Variants in ROBO2 observed in about 807,000 individuals in gnomAD.
The protein encoded by ROBO2 is roundabout homolog 2.
ROBO2 carries 53 observed loss-of-function variants against 160.8 expected under a neutral mutation model. The ratio of observed to expected loss-of-function variants is 0.33; its 90% CI spans 0.26 to 0.41. The LOEUF is 0.41. ROBO2 is among the 10% of genes least tolerant of loss of function. ROBO2 has a pLI of 1.00. For synonymous variants in ROBO2, 664 were observed against 611.7 expected (o/e 1.09, Z -1.26); for missense variants, 1,577 against 1,722.4 (o/e 0.92, Z 1.49).
chr3:76,681,365 C>T (rs2092557264), intron 2 of ROBO2, among the ~76,000 whole-genome samples: 1 of 152,114 alleles, frequency 6.6e-6, no homozygotes, highest in South Asian at 2.1e-4. Context: ...GCAGCTATTG[C>T]ATTCTAAGCA....
chr3:76,501,039 C>A (rs924506769), intron 2 of ROBO2, among the ~76,000 whole-genome samples: 40 of 152,110 alleles, frequency 2.6e-4, no homozygotes, highest in African/African-American at 9.6e-4. Context: ...ACTTATCCTG[C>A]AAAATATCAG....
chr3:77,536,691 C>T (rs1269257780), intron 6 of ROBO2, among the ~76,000 whole-genome samples: 1 of 151,982 alleles, frequency 6.6e-6, no homozygotes, highest in African/African-American at 2.4e-5. Context: ...AAAAGAAAAC[C>T]ACTAATGTTG....
chr3:76,875,322 A>C (rs546281252), intron 2 of ROBO2, among the ~76,000 whole-genome samples: 1 of 152,342 alleles, frequency 6.6e-6, no homozygotes, highest in South Asian at 2.1e-4. Context: ...GTAAATTACC[A>C]GTCTCAGGTG....
chr3:76,433,790 G>T (rs1408240742), intron 2 of ROBO2, among the ~76,000 whole-genome samples: 2 of 152,106 alleles, frequency 1.3e-5, no homozygotes, highest in Non-Finnish European at 2.9e-5. Context: ...CAGTTCCATC[G>T]ATTGAGTTGA....
At chr3:77,580,834 G>A (rs2093899723) in intron 16 of ROBO2, among the ~76,000 whole-genome samples, 1 of 152,112 alleles carries the variant, frequency 6.6e-6, no homozygotes. Context: ...CTGTGTAAAT[G>A]TTTGTGTCCT....
chr3:76,036,238 C>T (rs1036105038), intron 2 of ROBO2, among the ~76,000 whole-genome samples: 2 of 151,896 alleles, frequency 1.3e-5, no homozygotes, highest in Non-Finnish European at 2.9e-5. Flanking sequence ...CAACCGCCGC[C>T]TCCCGGGTTC....
At chr3:76,857,368 G>A (rs1383626478) in intron 2 of ROBO2, among the ~76,000 whole-genome samples, 2 of 152,074 alleles carry the variant, frequency 1.3e-5, no homozygotes, top group African/African-American at 4.8e-5. Flanking sequence ...GTAAATTAAT[G>A]CATTTCTGTT....
rs1057327901 is a variant in ROBO2, at chr3:76,744,141, C to T, written c.110-353873C>T. 5.9e-5 allele frequency among the ~76,000 whole-genome samples: 9 copies of T among 152,190 alleles called. No homozygotes were observed. In the South Asian group the frequency reaches 1.2e-3, roughly 21 times the overall value. ...AAAATGAAGTTAGAAGATGAGAGTT[C>T]GTTAGTTTTCTAGAGCTATCATAAC... On this transcript the variant is annotated intron_variant, in intron 2 of 26. Coordinates refer to the ROBO2 transcript ENST00000487694.
chr3:76,755,400 G>T (rs1032328683), intron 2 of ROBO2, among the ~76,000 whole-genome samples: 6 of 151,860 alleles, frequency 4.0e-5, no homozygotes, highest in Admixed American at 3.3e-4. Flanking sequence ...ATGGTAACTA[G>T]GGGAGTCATG....
At chr3:76,046,001 C>T (rs1195774120) in intron 2 of ROBO2, among the ~76,000 whole-genome samples, 3 of 151,590 alleles carry the variant, frequency 2.0e-5, no homozygotes, top group Admixed American at 6.6e-5. Context: ...AATTTTTTCC[C>T]GAGGAAGTCT....
chr3:76,483,014 G>C (rs1019966640), intron 2 of ROBO2, among the ~76,000 whole-genome samples: 1 of 151,926 alleles, frequency 6.6e-6, no homozygotes, highest in African/African-American at 2.4e-5. Flanking sequence ...TATTTAAAGT[G>C]GTAAAATTCA....
At chr3:77,295,875 C>A (rs1183449706) in intron 2 of ROBO2, among the ~76,000 whole-genome samples, 4 of 105,086 alleles carry the variant, frequency 3.8e-5, no homozygotes, top group Admixed American at 9.7e-5. Flanking sequence ...ACCCCAGACA[C>A]AAAGTAAAAT....
intron 2 of ROBO2, among the ~76,000 whole-genome samples, chr3:77,012,552 T>A (rs146618170): frequency 6.6e-6 from 1 of 152,306 alleles, no homozygotes; most frequent in East Asian, 1.9e-4. Context: ...ATCAGCTACA[T>A]GGATAGATAA....
At chr3:76,164,001 T>C (rs2072735940) in intron 2 of ROBO2, among the ~76,000 whole-genome samples, 1 of 152,200 alleles carries the variant, frequency 6.6e-6, no homozygotes, top group Admixed American at 6.5e-5. Context: ...TTCCCCACAG[T>C]AGAATTTCTT....
At chr3:76,569,626 G>A (rs996831432) in intron 2 of ROBO2, among the ~76,000 whole-genome samples, 1 of 152,152 alleles carries the variant, frequency 6.6e-6, no homozygotes, top group African/African-American at 2.4e-5. Flanking sequence ...CCTTTGTTAA[G>A]TTGTATAATC....
chr3:76,893,850 G>A (rs2074551158), intron 2 of ROBO2, among the ~76,000 whole-genome samples: 1 of 151,902 alleles, frequency 6.6e-6, no homozygotes, highest in Non-Finnish European at 1.5e-5. Context: ...TCAGCCTCTA[G>A]CATCTATCAT....
At position 77,634,922 on chromosome 3, in the gene ROBO2, T is replaced by G. The variant is rs367751959; in HGVS notation, c.3813T>G (p.Thr1271=). ...CTCGACCTACCAGCCCATTTTCTAC[T>G]GACAGTAACACCAGTGCAGCCCTGA... The change falls in exon 24 of 26, where the codon ACT becomes ACG. Residue 1271 remains threonine, a synonymous_variant. Transcript: ENST00000461745. 4.5e-5 allele frequency: 73 copies of G among 1,614,040 alleles called. No homozygotes were observed. The highest frequency in any genetic ancestry group is 5.8e-5 in the Non-Finnish European group (68 of 1,180,028).
intron 2 of ROBO2, among the ~76,000 whole-genome samples, chr3:76,326,867 G>T (rs953241583): frequency 1.3e-5 from 2 of 148,754 alleles, no homozygotes; most frequent in African/African-American, 5.0e-5. Context: ...AGAATATGCG[G>T]TGTTTGGTTT....
chr3:77,551,966 A>G lies in ROBO2; in HGVS notation c.1231+977A>G, dbSNP rs72902819. 8.4e-3 allele frequency among the ~76,000 whole-genome samples: 1,285 copies of G among 152,138 alleles called. 19 individuals carry two copies. The highest frequency in any genetic ancestry group is 0.027 in the African/African-American group (1,109 of 41,524). On this transcript the variant is annotated intron_variant, in intron 8 of 25. Coordinates refer to ENST00000461745, the Ensembl canonical transcript of ROBO2. ...GAATGGGAATAAATAGAACAGACAAACATTGGCTGCAGGGACATTGAGTCG... is the reference window on the plus strand; with the variant it reads ...GAATGGGAATAAATAGAACAGACAAGCATTGGCTGCAGGGACATTGAGTCG...
Sources: allele counts gnomAD v4.1 joint callset (sites outside exome capture counted in the v4.1 genomes callset), GRCh38; gene constraint gnomAD v4.1.1; transcripts MANE v1.5; gene names NCBI Gene and HGNC (gene_info 2026-07-23, HGNC 2026-07-21).